GPC6: variants seen among roughly 807,000 people sequenced by gnomAD.
GPC6 encodes the protein glypican-6.
Under a neutral mutation model 55.2 loss-of-function variants are expected in GPC6, and 14 were observed. That is an observed-to-expected ratio of 0.25 (90% CI 0.17 to 0.40). The LOEUF is 0.40. Among genes scored for constraint, GPC6 ranks in the 10% least tolerant of loss-of-function variants. The probability of loss-of-function intolerance (pLI) is 1.00; values close to 1 mark genes in which losing one functional copy is unlikely to be tolerated. For synonymous variants in GPC6, 278 were observed against 259.6 expected, an observed-to-expected ratio of 1.07 and a Z score of -0.68; for missense variants, 641 against 708.5, an observed-to-expected ratio of 0.90 and a Z score of 1.08.
At chr13:93,316,265 G>A (rs1879245437) in intron 1 of GPC6, among the ~76,000 whole-genome samples, 1 of 152,060 alleles carries the variant, frequency 6.6e-6, no homozygotes, top group African/African-American at 2.4e-5. Flanking sequence ...CAGAGAGCTT[G>A]AAGGCAGTCC....
At chr13:93,891,642 C>A (rs1472374284) in intron 3 of GPC6, among the ~76,000 whole-genome samples, 3 of 146,630 alleles carry the variant, frequency 2.0e-5, no homozygotes, top group Non-Finnish European at 4.4e-5. Flanking sequence ...CATTTATATA[C>A]ACACACACTA....
intron 1 of GPC6, among the ~76,000 whole-genome samples, chr13:93,346,915 G>A (rs1364302281): frequency 8.2e-6 from 1 of 121,756 alleles, no homozygotes; most frequent in Non-Finnish European, 2.2e-5. Flanking sequence ...CTATAAGTTT[G>A]TTATGTTATC....
At chr13:93,444,195 CTTTTTTT>C (rs10659977) in intron 1 of GPC6, among the ~76,000 whole-genome samples, 1 of 110,706 alleles carries the variant, frequency 9.0e-6, no homozygotes, top group Admixed American at 9.5e-5. Flanking sequence ...TGCAATTCTT[CTTTTTTT>C]TTTTTTTTTT....
chr13:93,833,608 G>A (rs982165678), intron 3 of GPC6, among the ~76,000 whole-genome samples: 3 of 151,812 alleles, frequency 2.0e-5, no homozygotes, highest in Non-Finnish European at 4.4e-5. Flanking sequence ...TACATTTATG[G>A]TGACTTTTTA....
At chr13:94,268,017 G>A (rs1891871118) in intron 4 of GPC6, among the ~76,000 whole-genome samples, 1 of 152,084 alleles carries the variant, frequency 6.6e-6, no homozygotes, top group African/African-American at 2.4e-5. Context: ...AGGCTAGTGG[G>A]GTTGCTAAAC....
At chr13:93,617,814 T>C (rs1878787439) in intron 2 of GPC6, among the ~76,000 whole-genome samples, 1 of 152,122 alleles carries the variant, frequency 6.6e-6, no homozygotes, top group Non-Finnish European at 1.5e-5. Flanking sequence ...ATCTAAATGG[T>C]TATAACACAT....
chr13:94,026,281 T>C (rs1216962983), intron 3 of GPC6, among the ~76,000 whole-genome samples: 1 of 152,150 alleles, frequency 6.6e-6, no homozygotes, highest in Non-Finnish European at 1.5e-5. Flanking sequence ...TCAAAATTGA[T>C]CCTAGGTAAG....
At chr13:93,423,602 T>G (rs1056914676) in intron 1 of GPC6, among the ~76,000 whole-genome samples, 4 of 152,112 alleles carry the variant, frequency 2.6e-5, no homozygotes, top group Non-Finnish European at 5.9e-5. Context: ...GGTTGCTAAG[T>G]TATTGTAGTT....
At chr13:93,530,612 A>T (rs1881830167) in intron 1 of GPC6, among the ~76,000 whole-genome samples, 3 of 152,134 alleles carry the variant, frequency 2.0e-5, no homozygotes, top group Admixed American at 2.0e-4. Flanking sequence ...GGTTTGTGAG[A>T]ACCGATTGTT....
intron 1 of GPC6, among the ~76,000 whole-genome samples, chr13:93,541,246 A>G (rs372432721): frequency 0.039 from 5,612 of 142,552 alleles, 138 homozygotes; most frequent in South Asian, 0.062. Flanking sequence ...TCATTGTTCA[A>G]TTCCCACCTA....
intron 4 of GPC6, among the ~76,000 whole-genome samples, chr13:94,041,011 A>G (rs1365521275): frequency 1.3e-5 from 2 of 151,836 alleles, no homozygotes; most frequent in African/African-American, 4.8e-5. Context: ...CTGTTGTGCC[A>G]TGCATTGATT....
intron 2 of GPC6, among the ~76,000 whole-genome samples, chr13:93,817,155 C>T (rs1468243551): frequency 6.6e-6 from 1 of 152,202 alleles, no homozygotes; most frequent in East Asian, 1.9e-4. Context: ...CTTAAATTTG[C>T]TGTGCCTCTG....
At chr13:94,248,534 A>G (rs534392263) in intron 4 of GPC6, among the ~76,000 whole-genome samples, 1 of 152,160 alleles carries the variant, frequency 6.6e-6, no homozygotes, top group Admixed American at 6.6e-5. Context: ...ATTTCCCATA[A>G]ATATCACCCA....
At chr13:94,401,605 C>T (rs529326012) in intron 8 of GPC6, among the ~76,000 whole-genome samples, 4 of 151,860 alleles carry the variant, frequency 2.6e-5, no homozygotes, top group East Asian at 1.9e-4. Flanking sequence ...AGGGCCACAT[C>T]GTCTCTGCCA....
chr13:94,372,521 C>T (rs1178364252), intron 6 of GPC6, among the ~76,000 whole-genome samples: 7 of 152,162 alleles, frequency 4.6e-5, no homozygotes, highest in Admixed American at 1.3e-4. Context: ...TAAAAAACGG[C>T]GCACCACGAG....
chr13:94,202,630 G>A (rs1889788993), intron 4 of GPC6, among the ~76,000 whole-genome samples: 1 of 152,172 alleles, frequency 6.6e-6, no homozygotes, highest in African/African-American at 2.4e-5. Context: ...GATGAGATTG[G>A]GTGGAGACAC....
chr13:94,029,473 TG>T (rs1883029460), intron 4 of GPC6, among the ~76,000 whole-genome samples: 3 of 152,232 alleles, frequency 2.0e-5, no homozygotes, highest in Admixed American at 2.0e-4. Context: ...TTAGAAGATT[TG>T]GATTTTTTAG....
chr13:93,408,483 G>T (rs1416609588), intron 1 of GPC6, among the ~76,000 whole-genome samples: 1 of 152,174 alleles, frequency 6.6e-6, no homozygotes, highest in Non-Finnish European at 1.5e-5. Context: ...CTGTCTGACT[G>T]TTGAAGCAAA....
chr13:93,933,484 G>C (rs568422530), intron 3 of GPC6, among the ~76,000 whole-genome samples: 1 of 151,990 alleles, frequency 6.6e-6, no homozygotes, highest in East Asian at 1.9e-4. Context: ...CCTCGGACAG[G>C]TCATGCCATC....
Sources: allele counts gnomAD v4.1 joint callset (sites outside exome capture counted in the v4.1 genomes callset), GRCh38; gene constraint gnomAD v4.1.1; transcripts MANE v1.5; gene names NCBI Gene and HGNC (gene_info 2026-07-23, HGNC 2026-07-21).